Variants in PSMG2 observed in about 807,000 individuals in gnomAD.
PSMG2 encodes the protein proteasome assembly chaperone 2, also known as CD40 ligand-activated specific transcript 3.
PSMG2 carries 21 observed loss-of-function variants against 31.5 expected under a neutral mutation model. That is an observed-to-expected ratio of 0.67 (90% CI 0.47 to 0.96). PSMG2 has a LOEUF of 0.96. PSMG2 is among the 40% of genes least tolerant of loss of function. The pLI is 0.00. For synonymous variants in PSMG2, 120 were observed against 110.4 expected, an observed-to-expected ratio of 1.09 and a Z score of -0.54; for missense variants, 318 against 321.2, an observed-to-expected ratio of 0.99 and a Z score of 0.08.
intron 1 of PSMG2, among the ~76,000 whole-genome samples, chr18:12,704,108 G>A (rs1479310069): frequency 6.6e-6 from 1 of 152,186 alleles, no homozygotes; most frequent in Non-Finnish European, 1.5e-5. Flanking sequence ...GAGTGGCCAT[G>A]TCAAAAGTAG....
chr18:12,702,306 C>G, upstream of PSMG2: 1 of 554,504 alleles, frequency 1.8e-6, no homozygotes, highest in Non-Finnish European at 3.1e-6. Context: ...CGTTTTCTTT[C>G]TCGGAGACGA....
Position 12,710,782 on chromosome 18 carries a change from A to T in PSMG2, c.230-1920A>T, listed in dbSNP as rs1002811597. 3.9e-5 allele frequency among the ~76,000 whole-genome samples: 6 copies of T among 152,310 alleles called. No homozygotes were observed. In the East Asian group the frequency reaches 1.2e-3, roughly 29 times the overall value. Reference sequence around the variant, plus strand: ...TATCACATCAGAAGAAAAAAGTACTAGGAAACAGGAACCTAACAACAAAAA... The same window carrying T: ...TATCACATCAGAAGAAAAAAGTACTTGGAAACAGGAACCTAACAACAAAAA... On this transcript the variant is annotated intron_variant, in intron 2 of 6. Transcript: ENST00000317615.
intron 1 of PSMG2, chr18:12,680,544 C>G: frequency 1.5e-6 from 1 of 648,770 alleles, no homozygotes; most frequent in Non-Finnish European, 2.4e-6. Flanking sequence ...TTGCAGTGAG[C>G]TGAGATTGTG....
chr18:12,679,341 G>C (rs1271911356), intron 1 of PSMG2: 1 of 152,270 alleles, frequency 6.6e-6, no homozygotes, highest in African/African-American at 2.4e-5. Flanking sequence ...CAGTGGGGAG[G>C]AGCTTGGCCC....
chr18:12,709,500 A>AT (rs113951918), intron 2 of PSMG2, among the ~76,000 whole-genome samples: 4,363 of 130,356 alleles, frequency 0.033, 116 homozygotes, highest in African/African-American at 0.076. Context: ...TAATTCTTGT[A>AT]TTTTTTTTTT....
intron 1 of PSMG2, among the ~76,000 whole-genome samples, chr18:12,679,829 G>T (rs66808227): frequency 1.3e-5 from 2 of 151,880 alleles, no homozygotes. Context: ...TTGGAAGGCC[G>T]TGGCAGGTAG....
intron 1 of PSMG2, among the ~76,000 whole-genome samples, chr18:12,669,791 G>A (rs1028993726): frequency 5.1e-4 from 76 of 149,916 alleles, no homozygotes; most frequent in African/African-American, 1.7e-3. Flanking sequence ...ACCTGAGGTC[G>A]GGAGTTTGAG....
chr18:12,675,829 C>T (rs1276022416), intron 1 of PSMG2, among the ~76,000 whole-genome samples: 12 of 151,864 alleles, frequency 7.9e-5, no homozygotes, highest in African/African-American at 1.7e-4. Flanking sequence ...CCACCATGCC[C>T]GGCTAATTTT....
chr18:12,696,404 G>A (rs1406033941), intron 1 of PSMG2, among the ~76,000 whole-genome samples: 2 of 152,078 alleles, frequency 1.3e-5, no homozygotes, highest in Non-Finnish European at 2.9e-5. Context: ...TTAGCAGGCT[G>A]AGCCAGTATA....
chr18:12,708,665 C>T (rs1417070297), intron 2 of PSMG2, among the ~76,000 whole-genome samples: 4 of 144,260 alleles, frequency 2.8e-5, no homozygotes, highest in Non-Finnish European at 4.5e-5. Context: ...CGCCCAGCGG[C>T]GTTTACATGT....
chr18:12,691,478 C>G, intron 1 of PSMG2: 1 of 1,591,530 alleles, frequency 6.3e-7, no homozygotes, highest in African/African-American at 1.4e-5. Flanking sequence ...TTCTGACGTT[C>G]CAAAGCAAGC....
At chr18:12,673,524 T>C (rs948115705) in intron 1 of PSMG2, 1 of 1,538,578 alleles carries the variant, frequency 6.5e-7, no homozygotes, top group African/African-American at 1.4e-5. Flanking sequence ...AAAAAAAAAT[T>C]ATTCAATTAA....
upstream of PSMG2, among the ~76,000 whole-genome samples, chr18:12,698,514 T>C (rs2040040263): frequency 6.6e-6 from 1 of 152,154 alleles, no homozygotes; most frequent in Non-Finnish European, 1.5e-5. Context: ...TGCCCAGACT[T>C]GTCTTGAACT....
At chr18:12,697,240 ACAGT>A in intron 1 of PSMG2, 1 of 1,612,978 alleles carries the variant, frequency 6.2e-7, no homozygotes, top group Non-Finnish European at 8.5e-7. Flanking sequence ...CATAAGTTCC[ACAGT>A]CAGACTGGTC....
At chr18:12,709,018 G>A (rs1043132358) in intron 2 of PSMG2, among the ~76,000 whole-genome samples, 3 of 150,946 alleles carry the variant, frequency 2.0e-5, no homozygotes, top group Admixed American at 6.6e-5. Flanking sequence ...CCCGGCCCCC[G>A]TAAACTTTAT....
upstream of PSMG2, chr18:12,699,966 G>A (rs2040096041): frequency 7.0e-6 from 8 of 1,146,846 alleles, no homozygotes; most frequent in Non-Finnish European, 9.9e-6. Flanking sequence ...TTAAGGAAAT[G>A]TCAATAAACA....
intron 1 of PSMG2, among the ~76,000 whole-genome samples, chr18:12,688,281 A>G (rs1277971069): frequency 1.3e-5 from 2 of 151,980 alleles, no homozygotes; most frequent in Non-Finnish European, 2.9e-5. Flanking sequence ...CAATTTCTGT[A>G]ACTTATTTTA....
intron 1 of PSMG2, among the ~76,000 whole-genome samples, chr18:12,677,350 A>T (rs1377929326): frequency 2.0e-5 from 3 of 150,224 alleles, no homozygotes; most frequent in African/African-American, 7.3e-5. Context: ...AGGCAGGAGA[A>T]TTGCTTAAAC....
In PSMG2 at chr18:12,686,448, A is replaced by G. The variant is rs769347365; in HGVS notation, c.-36-20102A>G. The G allele has an allele frequency of 8.1e-6, 13 of 1,602,836 alleles. No homozygotes were observed. The Admixed American group carries it at 2.1e-4, about 26-fold the overall frequency. ...AGACTGGTCTATTTATCCCATTTTCATCCTAGGGAAAAGGGGAAAAACATC... is the reference window on the plus strand; with the variant it reads ...AGACTGGTCTATTTATCCCATTTTCGTCCTAGGGAAAAGGGGAAAAACATC... On this transcript the variant is annotated intron_variant, in intron 1 of 6. Transcript: ENST00000585331.
Sources: allele counts gnomAD v4.1 joint callset (sites outside exome capture counted in the v4.1 genomes callset), GRCh38; gene constraint gnomAD v4.1.1; transcripts MANE v1.5; gene names NCBI Gene and HGNC (gene_info 2026-07-23, HGNC 2026-07-21).